The following C7 variants were observed in gnomAD, a reference collection of about 807,000 sequenced individuals.
C7 encodes the protein complement component C7.
C7 carries 83 observed loss-of-function variants against 104.8 expected under a neutral mutation model. That is an observed-to-expected ratio of 0.79 (90% CI 0.66 to 0.95). The LOEUF is 0.95. C7 is among the 40% of genes least tolerant of loss of function. C7 has a pLI of 0.00. For missense variants in C7, 1,070 were observed against 1,011.2 expected, an observed-to-expected ratio of 1.06 and a Z score of -0.79; for synonymous variants, 415 against 360.6, an observed-to-expected ratio of 1.15 and a Z score of -1.71.
At chr5:40,977,980 A>G (rs1387642755) in intron 16 of C7, among the ~76,000 whole-genome samples, 1 of 151,962 alleles carries the variant, frequency 6.6e-6, no homozygotes, top group Non-Finnish European at 1.5e-5. Context: ...CAAAAAATAC[A>G]AAAATTAGCT....
rs747129034 is a variant in C7 at position 40,955,430 on chromosome 5, G to C, written c.1137G>C (p.Gly379=). Residue 379 remains glycine, a synonymous_variant, in exon 10 of 18, where the codon GGG becomes GGC. Transcript: ENST00000313164. Reference sequence around the variant, plus strand: ...TGCGAGGAGAACCGTTCATCAGAGGGGGAGGTGCAGGCTTCATATCTGGCC... The same window carrying C: ...TGCGAGGAGAACCGTTCATCAGAGGCGGAGGTGCAGGCTTCATATCTGGCC... ...NVLRGEPFIR[G]GGAGFISGLS... 6 of 1,612,196 alleles carry C rather than the reference G, an allele frequency of 3.7e-6. No individual in the cohort carries two copies. The East Asian group carries it at 8.9e-5, about 24-fold the overall frequency.
intron 17 of C7, 21 bp from the exon 18 acceptor site, chr5:40,981,371 C>A: frequency 6.2e-7 from 1 of 1,600,590 alleles, no homozygotes; most frequent in Non-Finnish European, 8.5e-7. Flanking sequence ...ACCATTAAGC[C>A]TCTTTCACTT....
chr5:40,972,622 A>G (rs999495553), intron 15 of C7, 28 bp downstream of exon 15: 2 of 1,556,882 alleles, frequency 1.3e-6, no homozygotes, highest in African/African-American at 1.4e-5. Flanking sequence ...CTATCCAAGG[A>G]CACTTGTACC....
rs527801787 is a variant in C7, at chr5:40,946,471, A to T, written c.738+1103A>T. 3.9e-5 allele frequency among the ~76,000 whole-genome samples: 6 copies of T among 152,336 alleles called. No homozygotes were observed. In the East Asian group the frequency reaches 1.2e-3, roughly 29 times the overall value. On this transcript the variant is annotated intron_variant, in intron 7 of 17. Transcript: ENST00000313164. ...GACTATGGAGCTATGAGTTGTAAAA[A>T]CATTTATTGTCTCCACATTATATTG...
At chr5:40,961,162 C>T (rs150188857) in intron 12 of C7, among the ~76,000 whole-genome samples, 12 of 152,304 alleles carry the variant, frequency 7.9e-5, no homozygotes, top group East Asian at 7.7e-4. Flanking sequence ...ATTGACTATA[C>T]GTAAATCCAG....
At chr5:40,927,930 C>G (rs1466488120) in intron 1 of C7, among the ~76,000 whole-genome samples, 1 of 152,076 alleles carries the variant, frequency 6.6e-6, no homozygotes, top group Non-Finnish European at 1.5e-5. Context: ...TATGATCTAG[C>G]AATCCTACTT....
chr5:40,928,658 G>A (rs1478040584), intron 2 of C7, 23 bp downstream of exon 2: 2 of 1,451,834 alleles, frequency 1.4e-6, no homozygotes, highest in East Asian at 2.5e-5. Context: ...TGGGTTGTGT[G>A]TAAAAATCAT....
intron 6 of C7, among the ~76,000 whole-genome samples, chr5:40,941,157 G>T (rs1739927956): frequency 6.6e-6 from 1 of 150,588 alleles, no homozygotes; most frequent in South Asian, 2.1e-4. Flanking sequence ...TCTGCCTCCT[G>T]TGTTCAAGCG....
Position 40,947,693 on chromosome 5 carries a change from G to C in C7, c.830G>C (p.Trp277Ser), listed in dbSNP as rs1386759517. The C allele has an allele frequency of 4.3e-6, 7 of 1,613,718 alleles. No individual in the cohort carries two copies. In the East Asian group the frequency reaches 1.6e-4, roughly 36 times the overall value. The part of the protein sequence containing the change: ...PEFLQLAEPF[W>S]KELSHLPSLY... Reference sequence around the variant, plus strand: ...TTTTTACAACTTGCTGAGCCATTCTGGAAGGAGCTTTCCCACCTCCCCTCT... The same window carrying C: ...TTTTTACAACTTGCTGAGCCATTCTCGAAGGAGCTTTCCCACCTCCCCTCT... The change falls in exon 8 of 18, where the codon TGG becomes TCG. Residue 277 changes from tryptophan (W) to serine (S), a missense_variant. Trp to Ser is a radical substitution (Grantham distance 177). Transcript: ENST00000313164.
chr5:40,914,504 G>T (rs140044749), intron 1 of C7, among the ~76,000 whole-genome samples: 2 of 152,158 alleles, frequency 1.3e-5, no homozygotes, highest in African/African-American at 4.8e-5. Flanking sequence ...TTTGTTGCTT[G>T]TGCTTTTGAG....
intron 17 of C7, 35 bp from the exon 18 acceptor site, chr5:40,981,357 A>T (rs368395254): frequency 6.3e-7 from 1 of 1,586,736 alleles, no homozygotes; most frequent in Admixed American, 1.8e-5. Flanking sequence ...GACCTCCACA[A>T]TGTACCATTA....
At chr5:40,972,711 C>T in intron 15 of C7, 117 bp downstream of exon 15, 2 of 779,366 alleles carry the variant, frequency 2.6e-6, no homozygotes, top group Non-Finnish European at 4.0e-6. Flanking sequence ...CATTCTTGCT[C>T]CTTAAGATAG....
At chr5:40,942,668 A>G (rs554363887) in intron 6 of C7, among the ~76,000 whole-genome samples, 1 of 152,238 alleles carries the variant, frequency 6.6e-6, no homozygotes, top group East Asian at 1.9e-4. Context: ...CTAGAGAAAT[A>G]AAGTATTGTT....
chr5:40,968,598 A>AT (rs1740621313), intron 14 of C7, among the ~76,000 whole-genome samples: 4 of 22,058 alleles, frequency 1.8e-4, no homozygotes, highest in African/African-American at 4.7e-4. Flanking sequence ...ATATATATAT[A>AT]TATTTTTTTT....
At chr5:40,909,651 G>A (rs906801011) in intron 1 of C7, 35 bp downstream of exon 1, 13 of 1,474,932 alleles carry the variant, frequency 8.8e-6, no homozygotes, top group Non-Finnish European at 1.1e-5. Context: ...TGTAAATGAA[G>A]CTATCTTTTC....
intron 1 of C7, among the ~76,000 whole-genome samples, chr5:40,926,508 G>A (rs1739555259): frequency 6.6e-6 from 1 of 152,168 alleles, no homozygotes; most frequent in Non-Finnish European, 1.5e-5. Context: ...AATCTTATAT[G>A]TAGAAAACCC....
intron 13 of C7, among the ~76,000 whole-genome samples, chr5:40,962,989 T>TAG (rs148789513): frequency 6.6e-6 from 1 of 151,414 alleles, no homozygotes; most frequent in South Asian, 2.1e-4. Flanking sequence ...TGTGTTTGTG[T>TAG]AGAGAGAGAG....
At chr5:40,967,147 C>A (rs1344035207) in intron 14 of C7, among the ~76,000 whole-genome samples, 1 of 150,844 alleles carries the variant, frequency 6.6e-6, no homozygotes, top group African/African-American at 2.4e-5. Flanking sequence ...CTCACTGCAA[C>A]CTCCGCCTCC....
At chr5:40,974,660 C>A (rs949039442) in intron 15 of C7, among the ~76,000 whole-genome samples, 3 of 152,222 alleles carry the variant, frequency 2.0e-5, no homozygotes, top group Admixed American at 6.5e-5. Context: ...CCTCATGATC[C>A]GCCCGCCTCG....
Sources: gnomAD v4.1 joint callset for allele counts (sites outside exome capture counted in the v4.1 genomes callset) on GRCh38, gnomAD v4.1.1 for gene constraint, MANE v1.5 for transcripts, NCBI Gene and HGNC (gene_info 2026-07-23, HGNC 2026-07-21) for gene names.